Variants in SASH1 observed in about 807,000 individuals in gnomAD.
SASH1 encodes the protein SAM and SH3 domain containing 1, also known as SAM and SH3 domain-containing protein 1.
In SASH1, 44 loss-of-function variants were observed where a neutral mutation model predicts 125.2. That is an observed-to-expected ratio of 0.35 (90% CI 0.28 to 0.45). The LOEUF is 0.45. Ranked by LOEUF, SASH1 falls within the 20% of genes least tolerant of loss-of-function variation. SASH1 has a pLI of 1.00. For synonymous variants in SASH1, 639 were observed against 649.1 expected (o/e 0.98, Z 0.24); for missense variants, 1,426 against 1,614.5 (o/e 0.88, Z 2.00).
intron 8 of SASH1, among the ~76,000 whole-genome samples, chr6:148,499,459 A>G (rs144170247): frequency 1.6e-4 from 24 of 152,340 alleles, no homozygotes; most frequent in African/African-American, 5.8e-4. Context: ...TTTATGTGCA[A>G]GCATTTATTG....
At chr6:148,514,242 C>T in intron 8 of SASH1, 82 bp from the exon 9 acceptor site, 1 of 1,526,746 alleles carries the variant, frequency 6.5e-7, no homozygotes, top group Admixed American at 2.3e-5. Context: ...TTCAGACTGG[C>T]AGCAAGGCCG....
chr6:148,332,607 AG>A (rs1781028391), intron 1 of SASH1, among the ~76,000 whole-genome samples: 3 of 150,266 alleles, frequency 2.0e-5, no homozygotes, highest in East Asian at 2.0e-4. Context: ...AAAAAAAAAA[AG>A]GATACAACCA....
chr6:148,542,439 T>G (rs1435313022), intron 17 of SASH1, among the ~76,000 whole-genome samples: 1 of 152,146 alleles, frequency 6.6e-6, no homozygotes, highest in Non-Finnish European at 1.5e-5. Flanking sequence ...CAGGCTGGAG[T>G]GCAGTGGCGC....
At chr6:148,409,145 T>C (rs1784497398) in intron 2 of SASH1, among the ~76,000 whole-genome samples, 1 of 152,176 alleles carries the variant, frequency 6.6e-6, no homozygotes, top group Admixed American at 6.5e-5. Flanking sequence ...TACCATGCAT[T>C]ATTATTCACG....
intron 2 of SASH1, among the ~76,000 whole-genome samples, chr6:148,421,106 AGAAAG>A (rs1259542650): frequency 1.8e-4 from 27 of 147,040 alleles, no homozygotes; most frequent in Non-Finnish European, 2.7e-4. Context: ...AGAAAAGAAA[AGAAAG>A]GAAAAGAAAG....
At chr6:148,268,926 T>A (rs1431908805), upstream of SASH1, among the ~76,000 whole-genome samples, 1 of 152,232 alleles carries the variant, frequency 6.6e-6, no homozygotes, top group East Asian at 1.9e-4. Flanking sequence ...GGAATAACAA[T>A]GCTGGATCCA....
chr6:148,374,248 A>G (rs1291561558), intron 1 of SASH1, among the ~76,000 whole-genome samples: 1 of 152,230 alleles, frequency 6.6e-6, no homozygotes, highest in Non-Finnish European at 1.5e-5. Context: ...TAACTAGTTC[A>G]TTTCCTTTTA....
At chr6:148,528,554 TGCACAGCA>T (rs1781327318) in intron 12 of SASH1, among the ~76,000 whole-genome samples, 1 of 152,196 alleles carries the variant, frequency 6.6e-6, no homozygotes, top group African/African-American at 2.4e-5. Context: ...AAACAAAGCC[TGCACAGCA>T]GCTTCAGTTG....
chr6:148,522,310 G>A (rs1452056334), intron 10 of SASH1, among the ~76,000 whole-genome samples: 2 of 146,374 alleles, frequency 1.4e-5, no homozygotes, highest in Non-Finnish European at 3.0e-5. Flanking sequence ...TCCAGAGAAT[G>A]TAAATAAGTG....
chr6:148,487,775 C>T, intron 8 of SASH1, 60 bp downstream of exon 8: 1 of 1,216,746 alleles, frequency 8.2e-7, no homozygotes, highest in Non-Finnish European at 1.2e-6. Flanking sequence ...CAGTCTTCAC[C>T]ATTTTAGTCT....
At chr6:148,490,531 A>G (rs1349184012) in intron 8 of SASH1, among the ~76,000 whole-genome samples, 1 of 152,204 alleles carries the variant, frequency 6.6e-6, no homozygotes, top group Non-Finnish European at 1.5e-5. Flanking sequence ...GTAGGGTGCC[A>G]TCTTCACAAT....
the SASH1 span, among the ~76,000 whole-genome samples, chr6:148,219,377 C>A: frequency 9.2e-5 from 14 of 152,100 alleles, no homozygotes; most frequent in Non-Finnish European, 1.5e-5. Flanking sequence ...TATCTCTTCC[C>A]CTATGCAAAA....
At chr6:148,256,699 G>A in the SASH1 span, among the ~76,000 whole-genome samples, 1 of 152,144 alleles carries the variant, frequency 6.6e-6, no homozygotes. Context: ...AAAAGGAGTT[G>A]ACTGCAAAGA....
rs550140879 is a variant in SASH1 at position 148,532,799 on chromosome 6, G to A, written c.1567G>A (p.Gly523Ser). The A allele has an allele frequency of 1.1e-5, 18 of 1,614,146 alleles. No homozygotes were observed. Among genetic ancestry groups the A allele is most frequent in the Middle Eastern group, 1.7e-4 (1 of 6,060 alleles). The change falls in exon 14 of 20, where the codon GGT (glycine) becomes AGT (serine). Residue 523 changes from glycine to serine, a missense_variant and splice_region_variant. Gly to Ser is a moderately conservative substitution (Grantham distance 56, BLOSUM62 0). Around this residue, in one of 3 missense-constraint regions of SASH1, gnomAD observed 225 missense variants for 344.5 expected, o/e 0.65. Coordinates refer to ENST00000367467, the MANE Select transcript of SASH1 (RefSeq NM_015278.5). This position sits in a 1 kb window ranked among gnomAD's most constrained non-coding sequence, Gnocchi z 4.7. Reference sequence around the variant, plus strand: ...TTCTTCCTATGTTTCCTGTACAGGCGGTCAAACAGTGAGCACCACTGATTC... The same window carrying A: ...TTCTTCCTATGTTTCCTGTACAGGCAGTCAAACAGTGAGCACCACTGATTC... Reference protein sequence around the residue: ...SSLSGQSSMSGQTVSTTDSST... With the variant: ...SSLSGQSSMSSQTVSTTDSST...
At chr6:148,316,101 G>A (rs1323247753) in intron 1 of SASH1, among the ~76,000 whole-genome samples, 1 of 152,138 alleles carries the variant, frequency 6.6e-6, no homozygotes, top group Non-Finnish European at 1.5e-5. Context: ...CATTACTTCT[G>A]CCTAGCTTGA....
chr6:148,223,388 G>T, the SASH1 span, among the ~76,000 whole-genome samples: 72 of 152,300 alleles, frequency 4.7e-4, no homozygotes, highest in African/African-American at 1.7e-3. Context: ...GATTATGCTG[G>T]AATCAAGTCA....
chr6:148,226,951 T>C, the SASH1 span, among the ~76,000 whole-genome samples: 24 of 152,206 alleles, frequency 1.6e-4, no homozygotes, highest in African/African-American at 5.3e-4. Context: ...TTAAGCTCCA[T>C]TGGGGGTGGG....
At chr6:148,450,796 A>C (rs1777065019) in intron 4 of SASH1, among the ~76,000 whole-genome samples, 1 of 151,370 alleles carries the variant, frequency 6.6e-6, no homozygotes, top group Non-Finnish European at 1.5e-5. Context: ...ATCCATTCTG[A>C]GTGTCATTAT....
chr6:148,409,526 G>A (rs934147169), intron 2 of SASH1, among the ~76,000 whole-genome samples: 19 of 152,202 alleles, frequency 1.2e-4, no homozygotes, highest in African/African-American at 4.6e-4. Flanking sequence ...TCTTACCTTA[G>A]TGACTTCAAG....
Sources: gnomAD v4.1 joint callset for allele counts (sites outside exome capture counted in the v4.1 genomes callset) on GRCh38, gnomAD v4.1.1 for gene constraint, gnomAD v4.1.1 regional missense constraint, Gnocchi (gnomAD v3.1) non-coding constraint, MANE v1.5 for transcripts, NCBI Gene and HGNC (gene_info 2026-07-23, HGNC 2026-07-21) for gene names.